PGGHG: variants seen among roughly 807,000 people sequenced by gnomAD.
The protein encoded by PGGHG is protein-glucosylgalactosylhydroxylysine glucosidase.
A neutral mutation model predicts 74.5 loss-of-function variants in PGGHG; 67 were observed. The ratio of observed to expected loss-of-function variants is 0.90; its 90% CI spans 0.74 to 1.10. The LOEUF is 1.10. Among genes scored for constraint, PGGHG ranks in the 50% least tolerant of loss-of-function variants. The pLI is 0.00. For synonymous variants in PGGHG, 496 were observed against 419.9 expected, an observed-to-expected ratio of 1.18 and a Z score of -2.21; for missense variants, 1,034 against 981.5, an observed-to-expected ratio of 1.05 and a Z score of -0.72.
At chr11:294,043 G>C (rs764354258) in intron 11 of PGGHG, 56 bp from the exon 12 acceptor site, 310 of 1,580,812 alleles carry the variant, frequency 2.0e-4, no homozygotes, top group Middle Eastern at 5.7e-4. Context: ...TGGGACAGCA[G>C]CCCAGAGAGG....
rs1304822397 is a variant in PGGHG, at chr11:292,828, G to T, written c.1159-58G>T. The T allele has an allele frequency of 3.7e-6, 6 of 1,611,750 alleles. No homozygotes were observed. In the African/African-American group the frequency reaches 6.7e-5, roughly 18 times the overall value. On this transcript the variant is annotated intron_variant, in intron 6 of 13. Coordinates refer to ENST00000409548, the MANE Select transcript of PGGHG (RefSeq NM_025092.5). ...AGGCCTTGCTTCTGGGCACAGACAG[G>T]CCACTAGGAATGAGAGTGACTGGGG...
rs375841341 is a variant in PGGHG at position 292,106 on chromosome 11, C to T, written c.1026+11C>T. 1 of 1,545,908 alleles carries T rather than the reference C, an allele frequency of 6.5e-7. No individual in the cohort carries two copies. The highest frequency in any genetic ancestry group is 8.7e-7 in the Non-Finnish European group (1 of 1,145,564). ...AACCTGGGCTACCAGGTGAGGGGACCTGGGGCACTGGCCCGTAGGGCCCTG... is the reference window on the plus strand; with the variant it reads ...AACCTGGGCTACCAGGTGAGGGGACTTGGGGCACTGGCCCGTAGGGCCCTG... On this transcript the variant is annotated intron_variant, in intron 5 of 13. Transcript: ENST00000409548.
chr11:292,635 G>A lies in PGGHG; in HGVS notation c.1116G>A (p.Gly372=), dbSNP rs1008106150. 2 of 1,613,796 alleles carry A rather than the reference G, an allele frequency of 1.2e-6. No individual in the cohort carries two copies. The highest frequency in any genetic ancestry group is 1.7e-6 in the Non-Finnish European group (2 of 1,180,000). ...IYGVQEVHVN[G]AVVLAFELYY... ...GAGTCCAGGAGGTCCACGTCAACGGGGCCGTGGTGTTGGCCTTCGAGCTGT... is the reference window on the plus strand; with the variant it reads ...GAGTCCAGGAGGTCCACGTCAACGGAGCCGTGGTGTTGGCCTTCGAGCTGT... The change falls in exon 6 of 14, where the codon GGG becomes GGA. Residue 372 remains glycine (G), a synonymous_variant. Transcript: ENST00000409548.
chr11:293,128 C>T (rs1406351299), intron 7 of PGGHG, 35 bp from the exon 8 acceptor site: 2 of 1,613,818 alleles, frequency 1.2e-6, no homozygotes, highest in East Asian at 2.2e-5. Flanking sequence ...CTCTGAGACT[C>T]TGCACTGAGC....
rs1169812912 is a variant in PGGHG at position 294,831 on chromosome 11, G to A, written c.*82G>A. ...CCCACCCCTCCTGGGCACCCTCCTA[G>A]CCTGCCATCCCTCACCTGCAGCCAG... is the stretch of plus-strand genomic sequence containing the variant. On this transcript the variant is annotated 3_prime_UTR_variant, in exon 14 of 14. Coordinates refer to ENST00000409548, the MANE Select transcript of PGGHG (RefSeq NM_025092.5). 1.1e-5 allele frequency: 16 copies of A among 1,429,994 alleles called. No individual in the cohort carries two copies. Among genetic ancestry groups the A allele is most frequent in the Non-Finnish European group, 1.4e-5 (15 of 1,061,752 alleles). The allele number at this position is 1,429,994 out of a possible 1,614,324, so 88.6% of individuals were successfully genotyped here. A position where few individuals can be genotyped will look rare whatever the true frequency, so the allele number is the denominator to read the frequency against.
chr11:293,816 A>T lies in PGGHG; in HGVS notation c.1615-14A>T. The T allele has an allele frequency of 1.2e-6, 2 of 1,613,406 alleles. No individual in the cohort carries two copies. The highest frequency in any genetic ancestry group is 1.7e-6 in the Non-Finnish European group (2 of 1,179,928). Reference sequence around the variant, plus strand: ...GGGCCTCACCCCTGTGTGTCCTCTTACCTCTGACCCCAGAGCATGTTTGCT... The same window carrying T: ...GGGCCTCACCCCTGTGTGTCCTCTTTCCTCTGACCCCAGAGCATGTTTGCT... On this transcript the variant is annotated splice_polypyrimidine_tract_variant and intron_variant, in intron 10 of 13. Transcript: ENST00000409548.
chr11:291,716 T>C, intron 4 of PGGHG: 2 of 438,502 alleles, frequency 4.6e-6, no homozygotes, highest in Non-Finnish European at 8.1e-6. Flanking sequence ...CCCATGCGCA[T>C]ATTCGGGCTG....
At position 289,760 on chromosome 11, in the gene PGGHG, C is replaced by T. The variant is rs1480220806; in HGVS notation, c.-13-44C>T. The T allele has an allele frequency of 1.2e-5, 18 of 1,511,360 alleles. No individual in the cohort carries two copies. Among genetic ancestry groups the T allele is most frequent in the East Asian group, 2.5e-5 (1 of 40,602 alleles). The allele number at this position is 1,511,360 out of a possible 1,614,324, so 93.6% of individuals were successfully genotyped here. On this transcript the variant is annotated intron_variant, in intron 1 of 13. Transcript: ENST00000409548. This position sits in a 1 kb window ranked among gnomAD's most constrained non-coding sequence, Gnocchi z 5.6. Reference sequence around the variant, plus strand: ...ATTACAGACGGTCTCAAGAGGGAGGCCCAGCCAGTCCCGCGGCCCCTGACA... The same window carrying T: ...ATTACAGACGGTCTCAAGAGGGAGGTCCAGCCAGTCCCGCGGCCCCTGACA...
rs748484933 is a variant in PGGHG at position 292,002 on chromosome 11, G to A, written c.933G>A (p.Leu311=). 6.2e-7 allele frequency: 1 copy of A among 1,610,738 alleles called. No homozygotes were observed. Among genetic ancestry groups the A allele is most frequent in the South Asian group, 1.1e-5 (1 of 90,444 alleles). Residue 311 remains leucine, a synonymous_variant, in exon 5 of 14, where the codon CTG becomes CTA. Transcript: ENST00000409548. ...DQDLWMFPSI[L]MFHPEAARAI... ...ACCTCTGGATGTTCCCGAGTATCCT[G>A]ATGTTCCACCCAGAAGCCGCCAGGG... is the stretch of plus-strand genomic sequence containing the variant.
chr11:291,900 C>T lies in PGGHG; in HGVS notation c.907-76C>T, dbSNP rs567758308. On this transcript the variant is annotated intron_variant, in intron 4 of 13. Coordinates refer to ENST00000409548, the MANE Select transcript of PGGHG (RefSeq NM_025092.5). ...GAAGACGCCAGCGATGGAGCTCTGC[C>T]GGGGCGGAATGTGGCCAGGAGGGGC... 105 of 1,510,040 alleles carry T rather than the reference C, an allele frequency of 7.0e-5. No homozygotes were observed. In the East Asian group the frequency reaches 9.3e-4, roughly 13 times the overall value. 93.5% of individuals were successfully genotyped at this position (1,510,040 alleles called of 1,614,324 possible). A position where few individuals can be genotyped will look rare whatever the true frequency, so the allele number is the denominator to read the frequency against.
Position 294,210 on chromosome 11 carries a change from C to A in PGGHG, c.1808+14C>A. 6.2e-7 allele frequency: 1 copy of A among 1,601,892 alleles called. No individual in the cohort carries two copies. Among genetic ancestry groups the A allele is most frequent in the Non-Finnish European group, 8.5e-7 (1 of 1,173,398 alleles). On this transcript the variant is annotated intron_variant, in intron 12 of 13. Transcript: ENST00000409548. Reference sequence around the variant, plus strand: ...CACGGGGTTCAGGTAAGTGCAGAGGCTGGCAGAGGGCAGCCCATGCCCCCA... The same window carrying A: ...CACGGGGTTCAGGTAAGTGCAGAGGATGGCAGAGGGCAGCCCATGCCCCCA...
At position 295,727 on chromosome 11, in the gene PGGHG, C is replaced by G. The variant is rs1282003731; in HGVS notation, c.*978C>G. ...TTCCTTCTGAAGTGAGGGCCGTGCC[C>G]CGGGTCCCATTTCTCCTTTCACTTG... On this transcript the variant is annotated 3_prime_UTR_variant, in exon 14 of 14. Coordinates refer to ENST00000409548, the MANE Select transcript of PGGHG (RefSeq NM_025092.5). 1 of 152,310 alleles carries G rather than the reference C, an allele frequency of 6.6e-6. No homozygotes were observed. The highest frequency in any genetic ancestry group is 2.4e-5 in the African/African-American group (1 of 41,460). The allele number at this position is 152,310 out of a possible 1,614,324, so 9.4% of individuals were successfully genotyped here.
Position 294,396 on chromosome 11 carries a change from G to T in PGGHG, c.1938G>T (p.Glu646Asp), listed in dbSNP as rs1263923306. 4 of 1,612,818 alleles carry T rather than the reference G, an allele frequency of 2.5e-6. No homozygotes were observed. Among genetic ancestry groups the T allele is most frequent in the East Asian group, 2.2e-5 (1 of 44,856 alleles). Residue 646 changes from glutamate (E) to aspartate (D), a missense_variant, in exon 13 of 14, where the codon GAG becomes GAT. Glu to Asp is a conservative substitution (Grantham distance 45). Transcript: ENST00000409548. ...FSFSEDSVTV[E>D]VTARAGPWAP... is the part of the protein sequence containing the mutation. ...TTTCCGAGGACTCCGTGACCGTGGA[G>T]GTCACAGCTCGAGCAGGGCCCTGGG...
intron 10 of PGGHG, 26 bp downstream of exon 10, chr11:293,753 C>T (rs774311029): frequency 5.6e-6 from 9 of 1,612,482 alleles, no homozygotes; most frequent in Non-Finnish European, 7.6e-6. Context: ...CTGTGGAGTT[C>T]CTACCCCATT....
rs536120168 is a variant in PGGHG, at chr11:290,419, C to G, written c.289C>G (p.Arg97Gly). The stretch of plus-strand genomic sequence containing the variant: ...CTTTCTTCACACCCTGGAGGGCCCC[C>G]GCTTCCGGGCCTCCCAGTGCATCTA... ...GSFLHTLEGP[R>G]FRASQCIYAH... is the part of the protein sequence containing the mutation. The change falls in exon 3 of 14, where the codon CGC becomes GGC. Residue 97 changes from arginine to glycine, a missense_variant. Transcript: ENST00000409548. 1 of 1,547,600 alleles carries G rather than the reference C, an allele frequency of 6.5e-7. No homozygotes were observed. Among genetic ancestry groups the G allele is most frequent in the Non-Finnish European group, 8.7e-7 (1 of 1,146,878 alleles).
intron 8 of PGGHG, 31 bp from the exon 9 acceptor site, chr11:293,335 T>C (rs538044662): frequency 1.2e-6 from 2 of 1,606,530 alleles, no homozygotes; most frequent in Non-Finnish European, 1.7e-6. Context: ...GTGTAGGGGT[T>C]GCAGCCTCCC....
At position 290,070 on chromosome 11, in the gene PGGHG, A is replaced by G; in HGVS notation, c.254A>G (p.Asn85Ser). Residue 85 changes from asparagine to serine, a missense_variant, in exon 2 of 14, where the codon AAC becomes AGC. By Grantham distance (46) the Asn-to-Ser change is conservative. Transcript: ENST00000409548. ...ACCGAGACCTTCGCCCTGGACACCA[A>G]CACAGGTAGCGCCACCTGGCCTGCC... ...QLTETFALDT[N>S]TGSFLHTLEG... 6.5e-7 allele frequency: 1 copy of G among 1,529,280 alleles called. No homozygotes were observed. Among genetic ancestry groups the G allele is most frequent in the South Asian group, 1.2e-5 (1 of 82,948 alleles). 94.7% of individuals were successfully genotyped at this position (1,529,280 alleles called of 1,614,324 possible). A position where few individuals can be genotyped will look rare whatever the true frequency, so the allele number is the denominator to read the frequency against.
chr11:291,520 G>T lies in PGGHG; in HGVS notation c.906+407G>T, dbSNP rs146543754. On this transcript the variant is annotated intron_variant, in intron 4 of 13. Coordinates refer to ENST00000409548, the MANE Select transcript of PGGHG (RefSeq NM_025092.5). ...TGCGTGGAGCCCGGTACTGGAGGCC[G>T]ACGGGGGTGACGGGGACGCTGAGGG... 16 of 251,428 alleles carry T rather than the reference G, an allele frequency of 6.4e-5. No homozygotes were observed. In the East Asian group the frequency reaches 9.4e-4, roughly 15 times the overall value. The allele number at this position is 251,428 out of a possible 1,614,324, so 15.6% of individuals were successfully genotyped here. A position where few individuals can be genotyped will look rare whatever the true frequency, so the allele number is the denominator to read the frequency against.
Position 294,552 on chromosome 11 carries a change from G to A in PGGHG, c.2021-4G>A, listed in dbSNP as rs753234165. On this transcript the variant is annotated splice_polypyrimidine_tract_variant and splice_region_variant and intron_variant, in intron 13 of 13. Coordinates refer to ENST00000409548, the MANE Select transcript of PGGHG (RefSeq NM_025092.5). ...TCACCCCCAGGCTGCCTCTCTCCCT[G>A]CAGGACACAAGGTCTCCTTTCCCCG... 1.2e-5 allele frequency: 7 copies of A among 601,150 alleles called. No homozygotes were observed. Among genetic ancestry groups the A allele is most frequent in the Non-Finnish European group, 1.1e-5 (5 of 438,670 alleles). The allele number at this position is 601,150 out of a possible 1,614,324, so 37.2% of individuals were successfully genotyped here.
Sources: allele counts gnomAD v4.1 joint callset, GRCh38; gene constraint gnomAD v4.1.1; non-coding constraint Gnocchi (gnomAD v3.1); transcripts MANE v1.5; gene names NCBI Gene and HGNC (gene_info 2026-07-23, HGNC 2026-07-21).